DENND2B: variants seen among roughly 807,000 people sequenced by gnomAD.
DENND2B encodes the protein DENN domain containing 2B, also known as DENN domain-containing protein 2B.
A neutral mutation model predicts 116.0 loss-of-function variants in DENND2B; 32 were observed. The ratio of observed to expected loss-of-function variants is 0.28; its 90% CI spans 0.21 to 0.37. DENND2B has a LOEUF of 0.37. Among genes scored for constraint, DENND2B ranks in the 10% least tolerant of loss-of-function variants. DENND2B has a pLI of 1.00. For synonymous variants in DENND2B, 588 were observed against 583.9 expected (o/e 1.01, Z -0.10); for missense variants, 1,276 against 1,477.7 (o/e 0.86, Z 2.24).
chr11:8,751,369 G>A (rs1347150768), intron 1 of DENND2B, among the ~76,000 whole-genome samples: 1 of 152,192 alleles, frequency 6.6e-6, no homozygotes, highest in East Asian at 1.9e-4. Flanking sequence ...GGTGGGGCCA[G>A]ATAAGGGAAT....
At position 8,765,893 on chromosome 11, in the gene DENND2B, G is replaced by T. The variant is rs181390430; in HGVS notation, c.-25-15168C>A. Reference sequence around the variant, plus strand: ...ATTTTACTAAAAATACAAAAAATTAGCCAGAAGTGGTGGTGCCTGCCTGTA... The same window carrying T: ...ATTTTACTAAAAATACAAAAAATTATCCAGAAGTGGTGGTGCCTGCCTGTA... On this transcript the variant is annotated intron_variant, in intron 1 of 19. Coordinates refer to ENST00000313726, the MANE Select transcript of DENND2B (RefSeq NM_213618.2). Among the ~76,000 whole-genome samples the T allele has an allele frequency of 1.8e-3, 279 of 152,154 alleles. 1 individual carries two copies. The highest frequency in any genetic ancestry group is 6.8e-3 in the Middle Eastern group (2 of 294).
chr11:8,723,901 C>G (rs549473530), intron 4 of DENND2B, among the ~76,000 whole-genome samples: 1 of 152,354 alleles, frequency 6.6e-6, no homozygotes, highest in South Asian at 2.1e-4. Flanking sequence ...CCCTGCACAT[C>G]CCAGCATGGC....
chr11:8,704,912 G>T (rs113691233), intron 13 of DENND2B, among the ~76,000 whole-genome samples: 16,275 of 151,834 alleles, frequency 0.11, 1,072 homozygotes, highest in East Asian at 0.23. Context: ...ATGTTGGCCA[G>T]GCTGGTCTCG....
chr11:8,832,190 C>T (rs756832518), intron 4 of DENND2B, among the ~76,000 whole-genome samples: 2 of 152,022 alleles, frequency 1.3e-5, no homozygotes, highest in African/African-American at 4.8e-5. Context: ...CAGTGGCTCA[C>T]GCCTGTAATC....
At chr11:8,873,830 CAT>C (rs1260945853), upstream of DENND2B, among the ~76,000 whole-genome samples, 2 of 152,154 alleles carry the variant, frequency 1.3e-5, no homozygotes, top group African/African-American at 2.4e-5. Flanking sequence ...GTTGTAGAGA[CAT>C]GTGACTTATA....
intron 1 of DENND2B, among the ~76,000 whole-genome samples, chr11:8,891,481 G>A (rs1231404391): frequency 2.6e-5 from 4 of 152,186 alleles, no homozygotes; most frequent in African/African-American, 4.8e-5. Flanking sequence ...TCAGTGTGCT[G>A]TATTCAGGAG....
intron 2 of DENND2B, among the ~76,000 whole-genome samples, chr11:8,878,142 G>A (rs772217299): frequency 2.1e-4 from 32 of 152,224 alleles, no homozygotes; most frequent in Non-Finnish European, 3.5e-4. Flanking sequence ...GAAACCAGCT[G>A]TAAGAACAGT....
At chr11:8,790,818 G>A (rs1480585676) in intron 1 of DENND2B, among the ~76,000 whole-genome samples, 1 of 152,224 alleles carries the variant, frequency 6.6e-6, no homozygotes, top group Non-Finnish European at 1.5e-5. Flanking sequence ...GAGCAGAAAT[G>A]ATGCTCGCTA....
intron 13 of DENND2B, among the ~76,000 whole-genome samples, chr11:8,705,687 G>A (rs935199357): frequency 6.6e-6 from 1 of 152,158 alleles, no homozygotes; most frequent in African/African-American, 2.4e-5. Flanking sequence ...CTCAGTACAT[G>A]GCTCCATCAT....
chr11:8,698,694 TC>T (rs1399399113), intron 16 of DENND2B, among the ~76,000 whole-genome samples: 1 of 152,192 alleles, frequency 6.6e-6, no homozygotes. Context: ...GTCTGTGGAC[TC>T]CCAGGCCGTG....
At chr11:8,887,184 G>C (rs1162545971) in intron 1 of DENND2B, among the ~76,000 whole-genome samples, 1 of 152,054 alleles carries the variant, frequency 6.6e-6, no homozygotes, top group African/African-American at 2.4e-5. Flanking sequence ...TTAATATTTT[G>C]GCATTATAGA....
At chr11:8,758,724 T>C (rs555113543) in intron 1 of DENND2B, among the ~76,000 whole-genome samples, 6 of 152,314 alleles carry the variant, frequency 3.9e-5, no homozygotes, top group South Asian at 4.1e-4. Flanking sequence ...TGAGCACAAG[T>C]GGCCCAGTTA....
In DENND2B at chr11:8,712,732, T is replaced by G. The variant is rs1341758184; in HGVS notation, c.1991A>C (p.His664Pro). ...ESDSDDRFKA[H>P]TQRLVHIQSM... ...CTGGATGTGGACCAGGCGCTGTGTGTGGGCTGGAGGCAGGTTGCACATCAG... is the reference window on the plus strand; with the variant it reads ...CTGGATGTGGACCAGGCGCTGTGTGGGGGCTGGAGGCAGGTTGCACATCAG... The change falls in exon 9 of 20, where the codon CAC (histidine) becomes CCC (proline). Residue 664 changes from histidine to proline, a missense_variant. Transcript: ENST00000313726. This position sits in a 1 kb window ranked among gnomAD's most constrained non-coding sequence, Gnocchi z 4.4. 1.2e-6 allele frequency: 2 copies of G among 1,608,866 alleles called. No individual in the cohort carries two copies. Among genetic ancestry groups the G allele is most frequent in the Non-Finnish European group, 1.7e-6 (2 of 1,177,386 alleles).
intron 4 of DENND2B, chr11:8,718,106 C>CCCCCCAA: frequency 3.5e-6 from 1 of 281,696 alleles, no homozygotes; most frequent in Non-Finnish European, 6.6e-6. Flanking sequence ...ACCCCCCCAC[C>CCCCCCAA]CCCCCCAACC....
chr11:8,893,848 A>G (rs1189929998), intron 1 of DENND2B, among the ~76,000 whole-genome samples: 1 of 152,134 alleles, frequency 6.6e-6, no homozygotes, highest in Non-Finnish European at 1.5e-5. Context: ...ATTCAATGCC[A>G]TCCCCATGAA....
chr11:8,744,020 A>AT (rs1371091282), intron 2 of DENND2B, among the ~76,000 whole-genome samples: 1 of 152,038 alleles, frequency 6.6e-6, no homozygotes, highest in Non-Finnish European at 1.5e-5. Flanking sequence ...AAGTGCTTGC[A>AT]TTACAGGTAT....
chr11:8,701,346 G>T (rs2041591281), intron 14 of DENND2B, among the ~76,000 whole-genome samples: 1 of 34,576 alleles, frequency 2.9e-5, no homozygotes, highest in African/African-American at 1.0e-4. Context: ...CCAGCTTCCG[G>T]GGGGGGGGGG....
Position 8,730,259 on chromosome 11 carries a change from A to G in DENND2B, c.1031T>C (p.Val344Ala). ...AGSRAVGVAG[V>A]AGEAGPPPER... is the part of the protein sequence containing the mutation. ...TGGGGGTGGGCCCGCCTCCCCCGCA[A>G]CACCAGCCACTCCGACTGCCCGGCT... Residue 344 changes from valine to alanine, a missense_variant, in exon 3 of 20, where the codon GTT (valine) becomes GCT (alanine). Physicochemically the swap from Val to Ala is moderately conservative, Grantham distance 64 (BLOSUM62 0). Transcript: ENST00000313726. This position sits in a 1 kb window ranked among gnomAD's most constrained non-coding sequence, Gnocchi z 4.1. 6.2e-7 allele frequency: 1 copy of G among 1,610,360 alleles called. No homozygotes were observed.
At chr11:8,781,559 T>C (rs1011989907) in intron 1 of DENND2B, among the ~76,000 whole-genome samples, 1 of 152,102 alleles carries the variant, frequency 6.6e-6, no homozygotes, top group African/African-American at 2.4e-5. Context: ...GGCACTCTCA[T>C]ATACTGTTGG....
Sources: gnomAD v4.1 joint callset for allele counts (sites outside exome capture counted in the v4.1 genomes callset) on GRCh38, gnomAD v4.1.1 for gene constraint, Gnocchi (gnomAD v3.1) non-coding constraint, MANE v1.5 for transcripts, NCBI Gene and HGNC (gene_info 2026-07-23, HGNC 2026-07-21) for gene names.